The following ATP8B4 variants were observed in gnomAD, a reference collection of about 807,000 sequenced individuals.
ATP8B4 encodes ATPase phospholipid transporting 8B4 (putative), also known as probable phospholipid-transporting ATPase IM.
ATP8B4 carries 133 observed loss-of-function variants against 145.6 expected under a neutral mutation model. The ratio of observed to expected loss-of-function variants is 0.91; its 90% CI spans 0.79 to 1.05. The LOEUF is 1.05. Among genes scored for constraint, ATP8B4 ranks in the 50% least tolerant of loss-of-function variants. ATP8B4 has a pLI of 0.00. For missense variants in ATP8B4, 1,458 were observed against 1,425.2 expected, an observed-to-expected ratio of 1.02 and a Z score of -0.37; for synonymous variants, 507 against 492.9, an observed-to-expected ratio of 1.03 and a Z score of -0.38.
chr15:50,094,298 T>C (rs1476130129), intron 2 of ATP8B4, among the ~76,000 whole-genome samples: 1 of 151,902 alleles, frequency 6.6e-6, no homozygotes, highest in Non-Finnish European at 1.5e-5. Context: ...GGGACATCAG[T>C]TTTTTCTTGC....
chr15:49,941,751 A>C (rs186890087), intron 14 of ATP8B4, among the ~76,000 whole-genome samples: 1 of 152,334 alleles, frequency 6.6e-6, no homozygotes, highest in East Asian at 1.9e-4. Context: ...TATTTTTATC[A>C]AAGCACAATG....
At chr15:50,094,035 T>C (rs2055790481) in intron 2 of ATP8B4, among the ~76,000 whole-genome samples, 2 of 152,134 alleles carry the variant, frequency 1.3e-5, no homozygotes, top group South Asian at 4.1e-4. Context: ...CAAAAATATC[T>C]TGATAAACTA....
intron 14 of ATP8B4, among the ~76,000 whole-genome samples, chr15:49,957,356 AAC>A (rs138464462): frequency 0.013 from 1,936 of 151,528 alleles, 48 homozygotes; most frequent in African/African-American, 0.045. Context: ...AACGCACACA[AAC>A]ACACACACAC....
intron 14 of ATP8B4, among the ~76,000 whole-genome samples, chr15:49,939,066 C>A (rs1599281933): frequency 6.6e-6 from 1 of 151,850 alleles, no homozygotes; most frequent in African/African-American, 2.4e-5. Context: ...AAAACAGAGA[C>A]ACAACATATC....
chr15:50,008,187 C>T (rs954276105), intron 7 of ATP8B4, among the ~76,000 whole-genome samples: 5 of 152,096 alleles, frequency 3.3e-5, no homozygotes, highest in African/African-American at 1.2e-4. Flanking sequence ...CGTGGAAGAG[C>T]AGAGCAGAAC....
chr15:49,973,790 C>A (rs982810510), intron 12 of ATP8B4, among the ~76,000 whole-genome samples: 21 of 152,196 alleles, frequency 1.4e-4, no homozygotes, highest in Admixed American at 6.5e-5. Context: ...AACGTCATAG[C>A]AACATAAGTT....
At chr15:50,177,296 A>G (rs2044778138) in intron 1 of ATP8B4, among the ~76,000 whole-genome samples, 1 of 152,234 alleles carries the variant, frequency 6.6e-6, no homozygotes, top group Non-Finnish European at 1.5e-5. Flanking sequence ...TCTCAAAGCT[A>G]CTCAGCCAAT....
At chr15:49,877,162 G>A (rs1257612595) in intron 24 of ATP8B4, among the ~76,000 whole-genome samples, 1 of 152,106 alleles carries the variant, frequency 6.6e-6, no homozygotes, top group African/African-American at 2.4e-5. Flanking sequence ...GAATGAGAAG[G>A]TGGCACATTT....
At chr15:50,086,903 T>G (rs1172132665) in intron 2 of ATP8B4, among the ~76,000 whole-genome samples, 1 of 79,910 alleles carries the variant, frequency 1.3e-5, no homozygotes, top group Non-Finnish European at 2.3e-5. Flanking sequence ...ATAATAGAGA[T>G]CTATATTATT....
chr15:49,882,207 T>C (rs2035533354), intron 23 of ATP8B4, among the ~76,000 whole-genome samples: 2 of 152,160 alleles, frequency 1.3e-5, no homozygotes, highest in Admixed American at 1.3e-4. Context: ...CTGTAGATTA[T>C]CAACATTCCC....
chr15:50,139,905 T>C (rs2044183396), intron 1 of ATP8B4, among the ~76,000 whole-genome samples: 1 of 152,136 alleles, frequency 6.6e-6, no homozygotes, highest in South Asian at 2.1e-4. Context: ...TAAAACTGGA[T>C]AAGCACAATA....
In ATP8B4 at chr15:50,080,731, C is replaced by A. The variant is rs564402107; in HGVS notation, c.29-6546G>T. Among the ~76,000 whole-genome samples the A allele has an allele frequency of 4.9e-3, 751 of 152,148 alleles. 4 individuals are homozygous for A. The highest frequency in any genetic ancestry group is 9.2e-3 in the Non-Finnish European group (623 of 67,978). ...TACAGGCATGAACCACCATGTCTGG[C>A]CCCCTGCTAGAAATTTTTAAGTTCA... On this transcript the variant is annotated intron_variant, in intron 2 of 27. Coordinates refer to ENST00000284509, the MANE Select transcript of ATP8B4 (RefSeq NM_024837.4).
At chr15:50,097,563 C>T (rs1055786435) in intron 2 of ATP8B4, among the ~76,000 whole-genome samples, 9 of 152,134 alleles carry the variant, frequency 5.9e-5, no homozygotes, top group African/African-American at 2.2e-4. Context: ...AGCAACTGAC[C>T]ACTGTCATTT....
chr15:49,917,187 G>A (rs2039826971), intron 19 of ATP8B4, 148 bp from the exon 20 acceptor site: 1 of 676,946 alleles, frequency 1.5e-6, no homozygotes, highest in Non-Finnish European at 2.5e-6. Context: ...TAAAATACAA[G>A]CAGTGCAGAG....
At chr15:50,155,872 C>A (rs2044403702) in intron 1 of ATP8B4, among the ~76,000 whole-genome samples, 1 of 151,426 alleles carries the variant, frequency 6.6e-6, no homozygotes, top group Non-Finnish European at 1.5e-5. Flanking sequence ...ATTTTATTTG[C>A]CCCAATAGGT....
At chr15:50,076,577 T>G (rs571215337) in intron 2 of ATP8B4, among the ~76,000 whole-genome samples, 8 of 152,332 alleles carry the variant, frequency 5.3e-5, no homozygotes, top group African/African-American at 1.7e-4. Context: ...GACTAGCCCA[T>G]TCCCAAAGCA....
In ATP8B4 at chr15:50,042,509, C is replaced by T. The variant is rs2051375486; in HGVS notation, c.300+2085G>A. Among the ~76,000 whole-genome samples, 3 of 152,294 alleles carry T rather than the reference C, an allele frequency of 2.0e-5. No homozygotes were observed. The South Asian group carries it at 6.2e-4, about 32-fold the overall frequency. ...CCCTAATTCTCTTTCACACATCCCA[C>T]CTCTGTTATCAATCTAGCTACTGAA... On this transcript the variant is annotated intron_variant, in intron 5 of 27. Coordinates refer to ENST00000284509, the MANE Select transcript of ATP8B4 (RefSeq NM_024837.4).
chr15:49,967,528 T>C (rs561823499), intron 13 of ATP8B4, among the ~76,000 whole-genome samples: 84 of 151,908 alleles, frequency 5.5e-4, no homozygotes, highest in East Asian at 1.4e-3. Flanking sequence ...ATCAGAGAGA[T>C]TGAAGATCAA....
intron 23 of ATP8B4, among the ~76,000 whole-genome samples, chr15:49,887,365 A>T (rs2036313698): frequency 6.7e-6 from 1 of 148,486 alleles, no homozygotes; most frequent in African/African-American, 2.5e-5. Context: ...AACCCACCCA[A>T]CACAGGTTGA....
Sources: gnomAD v4.1 joint callset for allele counts (sites outside exome capture counted in the v4.1 genomes callset) on GRCh38, gnomAD v4.1.1 for gene constraint, MANE v1.5 for transcripts, NCBI Gene and HGNC (gene_info 2026-07-23, HGNC 2026-07-21) for gene names.